SPON1: variants seen among roughly 807,000 people sequenced by gnomAD.
SPON1 encodes the protein spondin 1, also known as spondin-1.
SPON1 carries 52 observed loss-of-function variants against 111.7 expected under a neutral mutation model. That is an observed-to-expected ratio of 0.47 (90% CI 0.37 to 0.59). The LOEUF is 0.59. Among genes scored for constraint, SPON1 ranks in the 20% least tolerant of loss-of-function variants. The pLI, the probability that SPON1 is intolerant of heterozygous loss-of-function variation, is 0.00. For synonymous variants in SPON1, 410 were observed against 395.8 expected, an observed-to-expected ratio of 1.04 and a Z score of -0.43; for missense variants, 957 against 1,068.5, an observed-to-expected ratio of 0.90 and a Z score of 1.46.
chr11:14,205,625 T>C (rs754145442), intron 6 of SPON1, among the ~76,000 whole-genome samples: 2 of 152,210 alleles, frequency 1.3e-5, no homozygotes, highest in Non-Finnish European at 2.9e-5. Context: ...AGAGGTCACA[T>C]GCTGAAAGCC....
chr11:14,103,798 C>T (rs2133844889), intron 5 of SPON1, among the ~76,000 whole-genome samples: 1 of 152,246 alleles, frequency 6.6e-6, no homozygotes, highest in Admixed American at 6.5e-5. Context: ...GCAATACCTA[C>T]CCTTTCTGCT....
At chr11:14,046,332 T>C (rs1848668051) in intron 3 of SPON1, among the ~76,000 whole-genome samples, 2 of 152,192 alleles carry the variant, frequency 1.3e-5, no homozygotes, top group African/African-American at 4.8e-5. Flanking sequence ...ACAGAGCCCA[T>C]TGATATAATC....
At chr11:14,051,577 G>C (rs981513901) in intron 3 of SPON1, among the ~76,000 whole-genome samples, 1 of 151,364 alleles carries the variant, frequency 6.6e-6, no homozygotes, top group Non-Finnish European at 1.5e-5. Context: ...TCCTCTCTCT[G>C]TCATTCACTA....
intron 6 of SPON1, among the ~76,000 whole-genome samples, chr11:14,208,737 C>T (rs1312744413): frequency 6.6e-6 from 1 of 152,142 alleles, no homozygotes; most frequent in East Asian, 1.9e-4. Context: ...ATAACTTCTC[C>T]TTTGCCCATT....
At chr11:14,026,345 C>G (rs1848517878) in intron 2 of SPON1, among the ~76,000 whole-genome samples, 1 of 152,148 alleles carries the variant, frequency 6.6e-6, no homozygotes, top group South Asian at 2.1e-4. Context: ...TTCTTATTGT[C>G]AAAATATAAT....
intron 6 of SPON1, among the ~76,000 whole-genome samples, chr11:14,210,285 T>G (rs1413556031): frequency 3.3e-5 from 5 of 152,194 alleles, no homozygotes; most frequent in African/African-American, 1.2e-4. Flanking sequence ...ATTTGTCAGT[T>G]TTGGCTTTTG....
chr11:14,203,290 T>G (rs1180552657), intron 6 of SPON1, among the ~76,000 whole-genome samples: 1 of 152,206 alleles, frequency 6.6e-6, no homozygotes, highest in East Asian at 1.9e-4. Context: ...CAATCACCTC[T>G]CTAGCAAGCT....
At chr11:14,123,576 G>A (rs191606663) in intron 5 of SPON1, among the ~76,000 whole-genome samples, 53 of 152,310 alleles carry the variant, frequency 3.5e-4, no homozygotes, top group African/African-American at 1.3e-3. Context: ...CCCAGGGGCT[G>A]TTCTCTGCCA....
intron 2 of SPON1, among the ~76,000 whole-genome samples, chr11:14,012,102 A>T (rs1457781176): frequency 6.6e-6 from 1 of 152,186 alleles, no homozygotes; most frequent in African/African-American, 2.4e-5. Context: ...CTAGCCATGA[A>T]GGCCATGTAG....
At chr11:14,250,253 T>G (rs1391633987) in intron 7 of SPON1, among the ~76,000 whole-genome samples, 5 of 152,316 alleles carry the variant, frequency 3.3e-5, no homozygotes, top group African/African-American at 1.2e-4. Context: ...TCAATTCTTT[T>G]CTTTATAATT....
chr11:14,256,805 C>A, intron 10 of SPON1, 113 bp downstream of exon 10: 1 of 788,382 alleles, frequency 1.3e-6, no homozygotes, highest in South Asian at 1.8e-5. Context: ...ACTTGGTAAT[C>A]ATATCTCTGA....
At chr11:14,106,803 A>G (rs1392687152) in intron 5 of SPON1, among the ~76,000 whole-genome samples, 2 of 152,176 alleles carry the variant, frequency 1.3e-5, no homozygotes, top group African/African-American at 4.8e-5. Flanking sequence ...TCCCTTTACT[A>G]TACCACTGAG....
chr11:14,260,087 G>C (rs1252828981), intron 13 of SPON1, among the ~76,000 whole-genome samples: 1 of 152,182 alleles, frequency 6.6e-6, no homozygotes, highest in African/African-American at 2.4e-5. Flanking sequence ...CATTGGACTT[G>C]GCTGATCCCA....
chr11:14,233,552 T>C (rs1848826875), intron 6 of SPON1, among the ~76,000 whole-genome samples: 1 of 152,198 alleles, frequency 6.6e-6, no homozygotes, highest in Non-Finnish European at 1.5e-5. Flanking sequence ...TCTAGCTTAT[T>C]ATTAACTAAT....
At chr11:14,144,055 G>A (rs1453609958) in intron 6 of SPON1, among the ~76,000 whole-genome samples, 1 of 152,144 alleles carries the variant, frequency 6.6e-6, no homozygotes, top group East Asian at 1.9e-4. Flanking sequence ...CTGAGCCTTA[G>A]ATTTTACATT....
At chr11:14,088,836 A>G (rs556431549) in intron 5 of SPON1, among the ~76,000 whole-genome samples, 1 of 151,466 alleles carries the variant, frequency 6.6e-6, no homozygotes, top group Admixed American at 6.6e-5. Flanking sequence ...GTTCCTTTTC[A>G]TTCTTTTTTC....
chr11:14,162,573 C>G (rs994046466), intron 6 of SPON1, among the ~76,000 whole-genome samples: 4 of 152,114 alleles, frequency 2.6e-5, no homozygotes, highest in Non-Finnish European at 5.9e-5. Context: ...ACAACTTTTC[C>G]CAATCTTTTA....
intron 3 of SPON1, among the ~76,000 whole-genome samples, chr11:14,068,953 A>G (rs1250556549): frequency 6.6e-6 from 1 of 152,230 alleles, no homozygotes; most frequent in Non-Finnish European, 1.5e-5. Flanking sequence ...ATCAATGTCA[A>G]TATCATGGTT....
At chr11:14,063,361 A>G (rs1252353556) in intron 3 of SPON1, among the ~76,000 whole-genome samples, 7 of 152,102 alleles carry the variant, frequency 4.6e-5, no homozygotes, top group African/African-American at 1.4e-4. Flanking sequence ...TCTTTTCCAC[A>G]TTATTCACTA....
Sources: allele counts gnomAD v4.1 joint callset (sites outside exome capture counted in the v4.1 genomes callset), GRCh38; gene constraint gnomAD v4.1.1; transcripts MANE v1.5; gene names NCBI Gene and HGNC (gene_info 2026-07-23, HGNC 2026-07-21).